Variants in PBX3 observed in about 807,000 individuals in gnomAD.
PBX3 encodes the protein PBX homeobox 3, also known as pre-B-cell leukemia transcription factor 3.
In PBX3, 14 loss-of-function variants were observed where a neutral mutation model predicts 48.5. That is an observed-to-expected ratio of 0.29 (90% CI 0.19 to 0.45). PBX3 has a LOEUF of 0.45. Among genes scored for constraint, PBX3 ranks in the 20% least tolerant of loss-of-function variants. The pLI is 1.00. For missense variants in PBX3, 386 were observed against 546.7 expected (o/e 0.71, Z 2.93); for synonymous variants, 210 against 200.3 (o/e 1.05, Z -0.41).
Position 125,892,136 on chromosome 9 carries a change from T to C in PBX3, c.275-23550T>C, listed in dbSNP as rs151250350. On this transcript the variant is annotated intron_variant, in intron 2 of 8. Transcript: ENST00000373489. ...TGAGGTTTCACTATGTTGGTCAGGC[T>C]GATCTCCAACTCCTGACTTCAAGTG... 4.7e-3 allele frequency among the ~76,000 whole-genome samples: 710 copies of C among 152,270 alleles called. 8 individuals carry two copies. The highest frequency in any genetic ancestry group is 0.016 in the African/African-American group (660 of 41,546).
intron 2 of PBX3, among the ~76,000 whole-genome samples, chr9:125,758,273 T>C (rs1266007860): frequency 6.6e-6 from 1 of 152,204 alleles, no homozygotes; most frequent in African/African-American, 2.4e-5. Flanking sequence ...TATAATGTTA[T>C]AGTTCTAACA....
intron 2 of PBX3, among the ~76,000 whole-genome samples, chr9:125,775,226 T>C (rs1182789642): frequency 2.0e-5 from 3 of 152,224 alleles, no homozygotes; most frequent in Non-Finnish European, 4.4e-5. Flanking sequence ...TCACCAGTAG[T>C]GAGTGTGAAT....
intron 2 of PBX3, among the ~76,000 whole-genome samples, chr9:125,815,253 T>C (rs1466932102): frequency 6.6e-6 from 1 of 152,210 alleles, no homozygotes; most frequent in Non-Finnish European, 1.5e-5. Context: ...TTGAAAAAAA[T>C]GTTGTAACCT....
chr9:125,812,730 A>T (rs1265407503), intron 2 of PBX3, among the ~76,000 whole-genome samples: 1 of 152,252 alleles, frequency 6.6e-6, no homozygotes, highest in Non-Finnish European at 1.5e-5. Context: ...AGCTTAAATG[A>T]TATAGCCTTC....
chr9:125,775,611 C>T (rs1837052180), intron 2 of PBX3, among the ~76,000 whole-genome samples: 1 of 152,156 alleles, frequency 6.6e-6, no homozygotes, highest in South Asian at 2.1e-4. Flanking sequence ...ATATGTCTAT[C>T]CTTATTCCAT....
At chr9:125,844,499 A>AT (rs1839375963) in intron 2 of PBX3, 1 of 152,116 alleles carries the variant, frequency 6.6e-6, no homozygotes, top group Admixed American at 6.6e-5. Flanking sequence ...ATGCTTAAAT[A>AT]TTACAGGTGT....
intron 2 of PBX3, among the ~76,000 whole-genome samples, chr9:125,798,526 G>C (rs1837849373): frequency 6.6e-6 from 1 of 151,870 alleles, no homozygotes; most frequent in East Asian, 1.9e-4. Context: ...TTTTAGAATA[G>C]TATGGTGATT....
intron 2 of PBX3, among the ~76,000 whole-genome samples, chr9:125,876,543 T>A (rs1840251680): frequency 6.6e-6 from 1 of 152,204 alleles, no homozygotes; most frequent in Admixed American, 6.5e-5. Context: ...TAACATTTTA[T>A]TTTCTGTAAC....
At chr9:125,827,375 T>G (rs773336635) in intron 2 of PBX3, among the ~76,000 whole-genome samples, 1 of 152,172 alleles carries the variant, frequency 6.6e-6, no homozygotes, top group Non-Finnish European at 1.5e-5. Context: ...CATTTACATA[T>G]GTTTGAAGTT....
At chr9:125,760,042 T>C (rs1172122779) in intron 2 of PBX3, among the ~76,000 whole-genome samples, 1 of 152,182 alleles carries the variant, frequency 6.6e-6, no homozygotes, top group East Asian at 1.9e-4. Flanking sequence ...GATCCTGCCA[T>C]TTACAAATCT....
In PBX3 at chr9:125,791,888, C is replaced by CA. The variant is rs879635585; in HGVS notation, c.274+43279dup. 1.2e-3 allele frequency among the ~76,000 whole-genome samples: 160 copies of CA among 129,110 alleles called. 1 individual carries two copies. Among genetic ancestry groups the CA allele is most frequent in the Admixed American group, 2.4e-3 (31 of 12,756 alleles). 84.7% of individuals were successfully genotyped at this position (129,110 alleles called of 152,430 possible). A position where few individuals can be genotyped will look rare whatever the true frequency, so the allele number is the denominator to read the frequency against. On this transcript the variant is annotated intron_variant, in intron 2 of 8. Transcript: ENST00000373489. ...GAGGCAGAGGTTGCAGACTCCGTCT[C>CA]AAAAAAAAAAAAAAGTTTCCTTAAG...
chr9:125,756,028 T>G (rs980946485), intron 2 of PBX3, among the ~76,000 whole-genome samples: 7 of 152,112 alleles, frequency 4.6e-5, no homozygotes, highest in Admixed American at 3.3e-4. Flanking sequence ...GTCACTAAAT[T>G]GAACTTCACA....
intron 2 of PBX3, among the ~76,000 whole-genome samples, chr9:125,812,343 C>T (rs73667071): frequency 6.6e-6 from 1 of 152,172 alleles, no homozygotes; most frequent in Non-Finnish European, 1.5e-5. Context: ...TGTACTCATA[C>T]TCAGCTTTAC....
chr9:125,927,192 TGTA>T (rs1259347583), intron 3 of PBX3, among the ~76,000 whole-genome samples: 2 of 152,242 alleles, frequency 1.3e-5, no homozygotes, highest in Non-Finnish European at 2.9e-5. Flanking sequence ...ACTCTTGAAT[TGTA>T]GTATTAAAAA....
At chr9:125,802,141 C>G (rs1054242534) in intron 2 of PBX3, among the ~76,000 whole-genome samples, 1 of 151,964 alleles carries the variant, frequency 6.6e-6, no homozygotes, top group Non-Finnish European at 1.5e-5. Context: ...ATTTTAGATT[C>G]AGAGGGTACA....
chr9:125,930,413 T>C (rs771258859), intron 4 of PBX3, among the ~76,000 whole-genome samples: 1 of 152,316 alleles, frequency 6.6e-6, no homozygotes, highest in Middle Eastern at 3.4e-3. Flanking sequence ...ATATTGTATA[T>C]GGTAATAAAT....
intron 2 of PBX3, among the ~76,000 whole-genome samples, chr9:125,792,072 ACG>A: frequency 1.3e-5 from 2 of 149,322 alleles, no homozygotes. Context: ...GCACGCACGC[ACG>A]CATATAAATA....
chr9:125,857,565 G>T (rs1044539908), intron 2 of PBX3, among the ~76,000 whole-genome samples: 4 of 151,916 alleles, frequency 2.6e-5, no homozygotes, highest in Non-Finnish European at 5.9e-5. Flanking sequence ...TCTTCATTTA[G>T]ACTTCAAAAA....
chr9:125,807,446 T>A (rs897103340), intron 2 of PBX3, among the ~76,000 whole-genome samples: 3 of 152,226 alleles, frequency 2.0e-5, no homozygotes, highest in Non-Finnish European at 4.4e-5. Context: ...GTGTTGAGCA[T>A]GAGCACTCTG....
Sources: allele counts gnomAD v4.1 joint callset (sites outside exome capture counted in the v4.1 genomes callset), GRCh38; gene constraint gnomAD v4.1.1; transcripts MANE v1.5; gene names NCBI Gene and HGNC (gene_info 2026-07-23, HGNC 2026-07-21).